The following AMZ1 variants were observed in gnomAD, a reference collection of about 807,000 sequenced individuals.
The protein encoded by AMZ1 is archaemetzincin-1.
AMZ1 carries 39 observed loss-of-function variants against 29.9 expected under a neutral mutation model. The observed-to-expected ratio is 1.30, with a 90% confidence interval of 1.01 to 1.70. The LOEUF is 1.70. Ranked by LOEUF, AMZ1 falls within the 40% of genes most tolerant of loss-of-function variation. The pLI is 0.00. For synonymous variants in AMZ1, 458 were observed against 304.0 expected (o/e 1.51, Z -5.27); for missense variants, 1,041 against 680.6 (o/e 1.53, Z -5.89).
chr7:2,688,990 C>G (rs1279506659), intron 1 of AMZ1, among the ~76,000 whole-genome samples: 1 of 152,198 alleles, frequency 6.6e-6, no homozygotes, highest in Non-Finnish European at 1.5e-5. Flanking sequence ...TTGGGGTTCG[C>G]AGGTGAGGAG....
chr7:2,745,631 C>G (rs1790728419), intron 4 of AMZ1, among the ~76,000 whole-genome samples: 3 of 152,210 alleles, frequency 2.0e-5, no homozygotes, highest in African/African-American at 7.2e-5. Context: ...AAATAGCCAG[C>G]TGACATCATA....
rs368332941 is a variant in AMZ1 at position 2,702,816 on chromosome 7, G to T, written c.399G>T (p.Pro133=). 1.2e-5 allele frequency: 18 copies of T among 1,556,402 alleles called. No homozygotes were observed. In the African/African-American group the frequency reaches 2.3e-4, roughly 20 times the overall value. The change falls in exon 3 of 7, where the codon CCG becomes CCT. Residue 133 remains proline, a synonymous_variant. Transcript: ENST00000683327. ...FFLGLRVKCL[P]SVAAASIRCS... ...TGGGCCTGCGCGTCAAGTGCCTGCC[G>T]TCGGTGGCAGCCGCGTCCATCCGCT...
chr7:2,695,679 C>A (rs1479292038), intron 1 of AMZ1, among the ~76,000 whole-genome samples: 1 of 152,034 alleles, frequency 6.6e-6, no homozygotes, highest in East Asian at 1.9e-4. Context: ...CCACAGCACT[C>A]CAGCCTGGGC....
chr7:2,748,850 G>T (rs1244186599), intron 4 of AMZ1, among the ~76,000 whole-genome samples: 2 of 152,136 alleles, frequency 1.3e-5, no homozygotes, highest in African/African-American at 4.8e-5. Context: ...AGTGGGCAAA[G>T]GACATGAACA....
At chr7:2,758,957 T>C (rs1791428295) in intron 4 of AMZ1, among the ~76,000 whole-genome samples, 1 of 151,966 alleles carries the variant, frequency 6.6e-6, no homozygotes, top group Non-Finnish European at 1.5e-5. Flanking sequence ...CCTCCTGATA[T>C]GGTGAAACAC....
chr7:2,738,778 G>A (rs773915894), intron 4 of AMZ1, among the ~76,000 whole-genome samples: 7 of 152,100 alleles, frequency 4.6e-5, no homozygotes, highest in Non-Finnish European at 1.0e-4. Flanking sequence ...GAACCCAATA[G>A]GACAATAAGG....
At chr7:2,730,174 A>G (rs1184476288) in intron 4 of AMZ1, 1 of 152,424 alleles carries the variant, frequency 6.6e-6, no homozygotes, top group Non-Finnish European at 1.5e-5. Context: ...AAGCTCTGCT[A>G]GTGGCCTTGC....
At chr7:2,730,353 A>G (rs1384799985) in intron 4 of AMZ1, 3 of 152,344 alleles carry the variant, frequency 2.0e-5, no homozygotes, top group African/African-American at 7.2e-5. Context: ...TAAGGGGAGA[A>G]GAGCACCGCT....
At chr7:2,710,119 G>A (rs1007325312) in intron 6 of AMZ1, among the ~76,000 whole-genome samples, 3 of 152,230 alleles carry the variant, frequency 2.0e-5, no homozygotes, top group Non-Finnish European at 4.4e-5. Flanking sequence ...AGCCCAGCCG[G>A]CGGGTGGCAC....
In AMZ1 at chr7:2,712,653, G is replaced by A. The variant is rs780212813; in HGVS notation, c.1272G>A (p.Glu424=). ...CIQALQREVA[E]EDLVQVDRAV... ...AGGCCCTGCAGCGGGAAGTGGCAGA[G>A]GAGGACCTGGTGCAGGTGGACAGAG... Residue 424 remains glutamate (E), a synonymous_variant, in exon 7 of 7, where the codon GAG becomes GAA. Transcript: ENST00000683327. The A allele has an allele frequency of 1.9e-6, 3 of 1,613,112 alleles. No homozygotes were observed. Among genetic ancestry groups the A allele is most frequent in the Non-Finnish European group, 2.5e-6 (3 of 1,179,926 alleles).
chr7:2,689,286 T>C (rs1377119064), intron 1 of AMZ1, among the ~76,000 whole-genome samples: 1 of 152,022 alleles, frequency 6.6e-6, no homozygotes, highest in Non-Finnish European at 1.5e-5. Context: ...CCCGGAGCTG[T>C]GCGGTTTAGG....
At chr7:2,746,837 A>G (rs1790787841) in intron 4 of AMZ1, among the ~76,000 whole-genome samples, 1 of 149,380 alleles carries the variant, frequency 6.7e-6, no homozygotes, top group Admixed American at 6.7e-5. Context: ...TAAAGGGGAT[A>G]TCATCACCAA....
chr7:2,684,894 G>A (rs1239391911), upstream of AMZ1, among the ~76,000 whole-genome samples: 9 of 138,686 alleles, frequency 6.5e-5, no homozygotes, highest in African/African-American at 2.5e-4. Context: ...TTTTTTTTGA[G>A]ACGGAGTCTC....
chr7:2,760,128 AAG>A (rs1468924289), upstream of AMZ1, among the ~76,000 whole-genome samples: 1 of 152,218 alleles, frequency 6.6e-6, no homozygotes, highest in Non-Finnish European at 1.5e-5. Flanking sequence ...TGTGTGGACA[AAG>A]AGAGCCCCAC....
At chr7:2,707,056 C>T (rs374823342) in intron 3 of AMZ1, among the ~76,000 whole-genome samples, 4 of 152,086 alleles carry the variant, frequency 2.6e-5, no homozygotes, top group South Asian at 2.1e-4. Context: ...AGACGGATCA[C>T]GAGGGTAGGA....
chr7:2,755,837 T>C (rs1159887868), intron 4 of AMZ1, among the ~76,000 whole-genome samples: 1 of 152,254 alleles, frequency 6.6e-6, no homozygotes, highest in Non-Finnish European at 1.5e-5. Flanking sequence ...ACCTAAATAA[T>C]TGGAGAGTTA....
chr7:2,712,638 G>C lies in AMZ1; in HGVS notation c.1257G>C (p.Gln419His). The C allele has an allele frequency of 6.2e-7, 1 of 1,613,098 alleles. No homozygotes were observed. The highest frequency in any genetic ancestry group is 1.3e-5 in the African/African-American group (1 of 75,054). ...TGGCCATGTGCATCCAGGCCCTGCA[G>C]CGGGAAGTGGCAGAGGAGGACCTGG... ...RWLAMCIQAL[Q>H]REVAEEDLVQ... The change falls in exon 7 of 7, where the codon CAG becomes CAC. Residue 419 changes from glutamine (Q) to histidine (H), a missense_variant. Transcript: ENST00000683327.
chr7:2,699,990 C>T (rs1787956262), intron 1 of AMZ1, among the ~76,000 whole-genome samples: 1 of 152,170 alleles, frequency 6.6e-6, no homozygotes, highest in Non-Finnish European at 1.5e-5. Flanking sequence ...CTGGAAGAGA[C>T]TGTGACCGTC....
chr7:2,708,753 G>A, intron 4 of AMZ1, 37 bp downstream of exon 4: 1 of 1,610,562 alleles, frequency 6.2e-7, no homozygotes, highest in Non-Finnish European at 8.5e-7. Flanking sequence ...GTGGGGGGTA[G>A]CCTGGCATGG....
Sources: allele counts gnomAD v4.1 joint callset (sites outside exome capture counted in the v4.1 genomes callset), GRCh38; gene constraint gnomAD v4.1.1; transcripts MANE v1.5; gene names NCBI Gene and HGNC (gene_info 2026-07-23, HGNC 2026-07-21).